Variants in RAPGEF1 observed in about 807,000 individuals in gnomAD.
RAPGEF1 encodes CRK SH3-binding GNRP.
RAPGEF1 carries 33 observed loss-of-function variants against 143.3 expected under a neutral mutation model. The ratio of observed to expected loss-of-function variants is 0.23; its 90% CI spans 0.17 to 0.31. The LOEUF (loss-of-function observed/expected upper bound fraction) is 0.31, where lower values mean the gene tolerates loss of function less well. Among genes scored for constraint, RAPGEF1 ranks in the 10% least tolerant of loss-of-function variants. The probability of loss-of-function intolerance (pLI) is 1.00; values close to 1 mark genes in which losing one functional copy is unlikely to be tolerated. For missense variants in RAPGEF1, 1,199 were observed against 1,645.4 expected, an observed-to-expected ratio of 0.73 and a Z score of 4.69; for synonymous variants, 629 against 676.5, an observed-to-expected ratio of 0.93 and a Z score of 1.09.
At chr9:131,590,064 G>GCT in intron 18 of RAPGEF1, 86 bp from the exon 19 acceptor site, 3 of 1,196,996 alleles carry the variant, frequency 2.5e-6, no homozygotes, top group Non-Finnish European at 2.5e-6. Flanking sequence ...CTCACTGAGC[G>GCT]CTCACAATGT....
chr9:131,710,073 G>C (rs1835400787), intron 1 of RAPGEF1: 2 of 466,014 alleles, frequency 4.3e-6, no homozygotes, highest in African/African-American at 4.2e-5. Context: ...AGGAGAAATG[G>C]GGAATCAGGT....
rs1952235537 is a variant in RAPGEF1 at position 131,583,661 on chromosome 9, TA to T, written c.3414+649del. On this transcript the variant is annotated intron_variant, in intron 24 of 26. Coordinates refer to ENST00000683357, the MANE Select transcript of RAPGEF1 (RefSeq NM_001377935.1). This position sits in a 1 kb window ranked among gnomAD's most constrained non-coding sequence, Gnocchi z 4.7. ...TGCAATATTATTTCCCTACACAGGA[TA>T]AAGGTCCAACTCCTCACCAGGCTCC... 6.6e-6 allele frequency among the ~76,000 whole-genome samples: 1 copy of T among 152,188 alleles called. No individual in the cohort carries two copies. Among genetic ancestry groups the T allele is most frequent in the African/African-American group, 2.4e-5 (1 of 41,442 alleles).
At chr9:131,648,522 C>T (rs962143103) in intron 3 of RAPGEF1, among the ~76,000 whole-genome samples, 1 of 152,250 alleles carries the variant, frequency 6.6e-6, no homozygotes, top group Non-Finnish European at 1.5e-5. Flanking sequence ...AATCATTTTA[C>T]TCTGACTGCC....
At chr9:131,726,232 G>A (rs540127202) in intron 1 of RAPGEF1, among the ~76,000 whole-genome samples, 14 of 152,266 alleles carry the variant, frequency 9.2e-5, no homozygotes, top group African/African-American at 3.1e-4. Context: ...ACAACTTGAC[G>A]AGTCTCAAAG....
chr9:131,593,955 G>A (rs959648964), intron 17 of RAPGEF1, among the ~76,000 whole-genome samples: 14 of 152,212 alleles, frequency 9.2e-5, no homozygotes, highest in African/African-American at 1.7e-4. Context: ...ACTCGCTGGT[G>A]AGCACTGGGC....
intron 19 of RAPGEF1, among the ~76,000 whole-genome samples, chr9:131,589,670 G>A (rs1190359793): frequency 6.6e-6 from 1 of 152,172 alleles, no homozygotes; most frequent in African/African-American, 2.4e-5. Flanking sequence ...GAGGGTCCAG[G>A]AGGGACCTCA....
At chr9:131,691,393 TC>T (rs1833771940) in intron 1 of RAPGEF1, among the ~76,000 whole-genome samples, 1 of 152,190 alleles carries the variant, frequency 6.6e-6, no homozygotes, top group East Asian at 1.9e-4. Context: ...GCTTATCTGA[TC>T]ATCTGATATG....
chr9:131,649,303 C>T (rs1168554813), intron 3 of RAPGEF1, among the ~76,000 whole-genome samples: 1 of 149,140 alleles, frequency 6.7e-6, no homozygotes, highest in African/African-American at 2.5e-5. Flanking sequence ...GATCCGCCTG[C>T]CTCAGCCTCC....
chr9:131,625,095 T>C (rs751547970), intron 10 of RAPGEF1, among the ~76,000 whole-genome samples: 1 of 152,248 alleles, frequency 6.6e-6, no homozygotes, highest in Non-Finnish European at 1.5e-5. Context: ...ATAGAAGTTC[T>C]CTGCTGGATG....
chr9:131,733,132 G>A (rs11791041), intron 1 of RAPGEF1, among the ~76,000 whole-genome samples: 3 of 151,736 alleles, frequency 2.0e-5, no homozygotes, highest in Admixed American at 6.6e-5. Flanking sequence ...GAGGAGCCTC[G>A]GCCACAGCTA....
chr9:131,708,352 G>A (rs1391451665), intron 1 of RAPGEF1, among the ~76,000 whole-genome samples: 2 of 152,190 alleles, frequency 1.3e-5, no homozygotes, highest in African/African-American at 4.8e-5. Context: ...CCAGCCGGCC[G>A]GTCTCCTGGG....
intron 1 of RAPGEF1, among the ~76,000 whole-genome samples, chr9:131,688,368 A>G (rs1833519980): frequency 6.6e-6 from 1 of 152,268 alleles, no homozygotes; most frequent in Admixed American, 6.5e-5. Flanking sequence ...TAAACCAAAT[A>G]AACAGCAACA....
Position 131,608,406 on chromosome 9 carries a change from C to T in RAPGEF1, c.2062-3218G>A, listed in dbSNP as rs543033906. Among the ~76,000 whole-genome samples, 19 of 152,318 alleles carry T rather than the reference C, an allele frequency of 1.2e-4. No individual in the cohort carries two copies. In the South Asian group the frequency reaches 3.9e-3, roughly 32 times the overall value. ...ATTAATTAAGGTGTCTAGAATATTA[C>T]CTGACTCACAGAAGCGTCTCAGTTT... On this transcript the variant is annotated intron_variant, in intron 12 of 26. Transcript: ENST00000683357.
At chr9:131,607,445 A>C (rs1410013047) in intron 12 of RAPGEF1, among the ~76,000 whole-genome samples, 3 of 152,222 alleles carry the variant, frequency 2.0e-5, no homozygotes, top group African/African-American at 7.2e-5. Flanking sequence ...AGTGGGGTGA[A>C]GGGCTTGGCT....
At chr9:131,588,143 G>A in intron 20 of RAPGEF1, 117 bp from the exon 21 acceptor site, 1 of 880,960 alleles carries the variant, frequency 1.1e-6, no homozygotes, top group Non-Finnish European at 1.8e-6. Context: ...GCAGGAGCGT[G>A]GAGGCTACAG....
intron 17 of RAPGEF1, among the ~76,000 whole-genome samples, chr9:131,594,463 A>T (rs2132327824): frequency 6.6e-6 from 1 of 152,178 alleles, no homozygotes; most frequent in East Asian, 1.9e-4. Flanking sequence ...GTGCAACCAC[A>T]AAGCACCCCC....
rs558867915 is a variant in RAPGEF1 at position 131,650,996 on chromosome 9, C to T, written c.62-47G>A. The T allele has an allele frequency of 3.1e-6, 5 of 1,591,536 alleles. No homozygotes were observed. Among genetic ancestry groups the T allele is most frequent in the Admixed American group, 1.8e-5 (1 of 57,140 alleles). ...ACTGTTAGATGGGAGTGGGAAGAAGCGATGGTTCATTGACCTTTTGTGGAA... is the reference window on the plus strand; with the variant it reads ...ACTGTTAGATGGGAGTGGGAAGAAGTGATGGTTCATTGACCTTTTGTGGAA... On this transcript the variant is annotated intron_variant, in intron 1 of 26. Transcript: ENST00000683357. The surrounding 1 kb of genome is among the most constrained non-coding windows in gnomAD (Gnocchi z 4.7).
At chr9:131,594,229 C>T (rs781661645) in intron 17 of RAPGEF1, among the ~76,000 whole-genome samples, 3 of 152,224 alleles carry the variant, frequency 2.0e-5, no homozygotes, top group African/African-American at 4.8e-5. Context: ...ACTCTCGATG[C>T]GGTCCTGAGC....
intron 12 of RAPGEF1, among the ~76,000 whole-genome samples, chr9:131,607,354 G>T (rs1004534686): frequency 6.6e-6 from 1 of 152,154 alleles, no homozygotes; most frequent in Admixed American, 6.5e-5. Flanking sequence ...CAGGCTCCAC[G>T]CAACACTTCA....
Sources: allele counts gnomAD v4.1 joint callset (sites outside exome capture counted in the v4.1 genomes callset), GRCh38; gene constraint gnomAD v4.1.1; non-coding constraint Gnocchi (gnomAD v3.1); transcripts MANE v1.5; gene names NCBI Gene and HGNC (gene_info 2026-07-23, HGNC 2026-07-21).